The following C6 variants were observed in gnomAD, a reference collection of about 807,000 sequenced individuals.
C6 encodes complement C6.
Under a neutral mutation model 112.9 loss-of-function variants are expected in C6, and 101 were observed. That is an observed-to-expected ratio of 0.89 (90% CI 0.76 to 1.06). C6 has a LOEUF of 1.06. Ranked by LOEUF, C6 falls within the 50% of genes least tolerant of loss-of-function variation. C6 has a pLI of 0.00. For missense variants in C6, 1,202 were observed against 1,104.6 expected, an observed-to-expected ratio of 1.09 and a Z score of -1.25; for synonymous variants, 431 against 384.1, an observed-to-expected ratio of 1.12 and a Z score of -1.43.
Position 41,222,525 on chromosome 5 carries a change from A to C in C6, c.-20-19275T>G, listed in dbSNP as rs149405875. 5.9e-4 allele frequency among the ~76,000 whole-genome samples: 90 copies of C among 152,282 alleles called. 1 individual carries two copies. The East Asian group carries it at 0.016, about 28-fold the overall frequency. On this transcript the variant is annotated intron_variant, in intron 1 of 17. Transcript: ENST00000263413. ...TATAAAAATGTCAAGGAAGGAATGA[A>C]CAATTACAATGTAAAGTTTCTAACA...
chr5:41,225,532 A>G (rs1389331918), intron 1 of C6, among the ~76,000 whole-genome samples: 1 of 152,106 alleles, frequency 6.6e-6, no homozygotes, highest in Non-Finnish European at 1.5e-5. Flanking sequence ...AAACATACGA[A>G]TGCATGTGTC....
At chr5:41,256,068 T>A (rs1258853938) in intron 1 of C6, among the ~76,000 whole-genome samples, 1 of 152,312 alleles carries the variant, frequency 6.6e-6, no homozygotes, top group South Asian at 2.1e-4. Flanking sequence ...GATAGTTTAC[T>A]GAGAATGATG....
rs1397663147 is a variant in C6, at chr5:41,159,052, G to A, written c.1856+30C>T. 3.1e-6 allele frequency: 5 copies of A among 1,610,588 alleles called. No individual in the cohort carries two copies. In the African/African-American group the frequency reaches 5.3e-5, roughly 17 times the overall value. The stretch of plus-strand genomic sequence containing the variant: ...ATGTTATTGAGAGTTAGGGCAAAAT[G>A]ACCCATTCTTTTCCCTTACCCGGCC... On this transcript the variant is annotated intron_variant, in intron 12 of 17. Coordinates refer to ENST00000337836, the MANE Select transcript of C6 (RefSeq NM_000065.5).
intron 17 of C6, among the ~76,000 whole-genome samples, chr5:41,146,906 A>G (rs970372637): frequency 5.9e-5 from 9 of 151,864 alleles, no homozygotes; most frequent in Admixed American, 5.3e-4. Context: ...AAGATAGCAA[A>G]AAAAGGGAAG....
chr5:41,199,093 C>A lies in C6; in HGVS notation c.445+675G>T, dbSNP rs111733308. Among the ~76,000 whole-genome samples the A allele has an allele frequency of 8.0e-3, 1,212 of 152,190 alleles. 17 individuals carry two copies. The highest frequency in any genetic ancestry group is 0.027 in the African/African-American group (1,135 of 41,534). ...AGCTGGCAAAGCTGAGGGCAGGATG[C>A]AGGGAGTAAGAGGGGAAAACTTGGG... is the stretch of plus-strand genomic sequence containing the variant. On this transcript the variant is annotated intron_variant, in intron 4 of 17. Transcript: ENST00000337836.
chr5:41,254,243 T>C (rs1315437943), intron 1 of C6, among the ~76,000 whole-genome samples: 1 of 151,922 alleles, frequency 6.6e-6, no homozygotes, highest in Non-Finnish European at 1.5e-5. Context: ...CTACTAAAAA[T>C]ACAAAAAATT....
intron 1 of C6, among the ~76,000 whole-genome samples, chr5:41,231,262 G>GT (rs935312567): frequency 7.9e-5 from 12 of 151,924 alleles, no homozygotes; most frequent in Admixed American, 2.0e-4. Context: ...ATTTTGTAGG[G>GT]TTTTTTGTTT....
At chr5:41,221,935 C>A (rs888203875) in intron 1 of C6, among the ~76,000 whole-genome samples, 13 of 152,006 alleles carry the variant, frequency 8.6e-5, no homozygotes, top group Non-Finnish European at 1.9e-4. Context: ...GAGGCCAAGG[C>A]AGGTGGATCA....
chr5:41,201,440 G>C, intron 3 of C6, 118 bp downstream of exon 3: 1 of 1,019,220 alleles, frequency 9.8e-7, no homozygotes, highest in Non-Finnish European at 1.5e-6. Flanking sequence ...AATGGAAGCT[G>C]AGACAGTTGA....
chr5:41,171,142 G>A (rs1748392870), intron 9 of C6, among the ~76,000 whole-genome samples: 1 of 152,128 alleles, frequency 6.6e-6, no homozygotes, highest in Admixed American at 6.6e-5. Flanking sequence ...TTCCATTGAA[G>A]GTTTTATATC....
chr5:41,260,111 A>G (rs1448135514), intron 1 of C6, among the ~76,000 whole-genome samples: 1 of 152,152 alleles, frequency 6.6e-6, no homozygotes, highest in Non-Finnish European at 1.5e-5. Flanking sequence ...AAAGCTTCCT[A>G]TAGTTTAATT....
In C6 at chr5:41,149,241, C is replaced by T; in HGVS notation, c.2623G>A (p.Ala875Thr). 1.9e-6 allele frequency: 3 copies of T among 1,613,900 alleles called. No homozygotes were observed. Among genetic ancestry groups the T allele is most frequent in the Non-Finnish European group, 2.5e-6 (3 of 1,179,910 alleles). Residue 875 changes from alanine (A) to threonine (T), a missense_variant and splice_region_variant, in exon 17 of 18, where the codon GCC becomes ACC. Ala to Thr is a moderately conservative substitution (Grantham distance 58, BLOSUM62 0). Transcript: ENST00000337836. ...TAGTATGGTCACCATTGGAACTTAC[C>T]TGAACATTTTTCCCAGTCATAGCAG... ...DTCYDWEKCS[A>T]STSKCVCLLP...
chr5:41,158,175 A>G (rs1161946240), intron 13 of C6, among the ~76,000 whole-genome samples: 1 of 152,160 alleles, frequency 6.6e-6, no homozygotes, highest in Non-Finnish European at 1.5e-5. Flanking sequence ...TAAAAAAATC[A>G]TAGAAACATG....
intron 12 of C6, 123 bp from the exon 13 acceptor site, chr5:41,158,908 TACACACAGA>T: frequency 6.9e-6 from 7 of 1,021,800 alleles, no homozygotes. Flanking sequence ...TAGAAAACAT[TACACACAGA>T]AAAAGGCACG....
intron 9 of C6, among the ~76,000 whole-genome samples, chr5:41,168,788 A>G (rs867836527): frequency 1.3e-5 from 2 of 152,082 alleles, no homozygotes; most frequent in African/African-American, 4.8e-5. Context: ...TAAAGTTTAT[A>G]TTTTCTATTT....
chr5:41,174,325 G>C (rs1748668888), intron 8 of C6, among the ~76,000 whole-genome samples: 1 of 152,200 alleles, frequency 6.6e-6, no homozygotes, highest in African/African-American at 2.4e-5. Context: ...TTAAACCTCA[G>C]TGTTCCTCTG....
At chr5:41,153,077 T>C (rs1386741719) in intron 15 of C6, 1 of 152,250 alleles carries the variant, frequency 6.6e-6, no homozygotes, top group Non-Finnish European at 1.5e-5. Flanking sequence ...GCATCTCACA[T>C]CTTCATGAAG....
At chr5:41,225,681 C>T (rs564363545) in intron 1 of C6, among the ~76,000 whole-genome samples, 1 of 152,274 alleles carries the variant, frequency 6.6e-6, no homozygotes, top group South Asian at 2.1e-4. Flanking sequence ...TACAGTCCCA[C>T]CAACAGTGTA....
At chr5:41,232,298 T>C (rs1402705390) in intron 1 of C6, among the ~76,000 whole-genome samples, 1 of 152,114 alleles carries the variant, frequency 6.6e-6, no homozygotes, top group Non-Finnish European at 1.5e-5. Flanking sequence ...TGTTTCCTAC[T>C]ACACTACTCT....
Sources: gnomAD v4.1 joint callset for allele counts (sites outside exome capture counted in the v4.1 genomes callset) on GRCh38, gnomAD v4.1.1 for gene constraint, MANE v1.5 for transcripts, NCBI Gene and HGNC (gene_info 2026-07-23, HGNC 2026-07-21) for gene names.